DLST: variants seen among roughly 807,000 people sequenced by gnomAD.
The protein encoded by DLST is dihydrolipoamide S-succinyltransferase.
DLST carries 17 observed loss-of-function variants against 53.1 expected under a neutral mutation model. The ratio of observed to expected loss-of-function variants is 0.32; its 90% confidence interval spans 0.22 to 0.48. DLST has a LOEUF of 0.48. Among genes scored for constraint, DLST ranks in the 20% least tolerant of loss-of-function variants. DLST has a pLI of 0.99. For synonymous variants in DLST, 206 were observed against 204.8 expected (o/e 1.01, Z -0.05); for missense variants, 512 against 583.9 (o/e 0.88, Z 1.27).
intron 10 of DLST, among the ~76,000 whole-genome samples, chr14:74,897,839 C>T (rs945343625): frequency 6.6e-6 from 1 of 152,068 alleles, no homozygotes; most frequent in Non-Finnish European, 1.5e-5. Flanking sequence ...TGCTTTTTCC[C>T]GCATGGAGCC....
chr14:74,891,012 C>T, intron 6 of DLST, 44 bp from the exon 7 acceptor site: 1 of 1,585,956 alleles, frequency 6.3e-7, no homozygotes, highest in Non-Finnish European at 8.6e-7. Context: ...TTTTCTAATG[C>T]TGGATAAACA....
chr14:74,883,629 C>A (rs1322478292), intron 2 of DLST, among the ~76,000 whole-genome samples: 1 of 152,164 alleles, frequency 6.6e-6, no homozygotes, highest in Non-Finnish European at 1.5e-5. Context: ...TTGTGCCAAG[C>A]ATTTATATGA....
At position 74,882,872 on chromosome 14, in the gene DLST, C is replaced by T. The variant is rs751358211; in HGVS notation, c.97+248C>T. Among the ~76,000 whole-genome samples, 74 of 152,216 alleles carry T rather than the reference C, an allele frequency of 4.9e-4. 1 individual carries two copies. The highest frequency in any genetic ancestry group is 7.2e-4 in the Admixed American group (11 of 15,278). ...TGGATACAGAAGTGTACAGTTCTTG[C>T]CCTCGTGGAGCTCCTAGGCTAGTTG... On this transcript the variant is annotated intron_variant, in intron 2 of 14. Transcript: ENST00000334220.
chr14:74,892,034 T>A, intron 7 of DLST: 1 of 198,976 alleles, frequency 5.0e-6, no homozygotes, highest in Non-Finnish European at 9.0e-6. Context: ...CTTCAGTGAT[T>A]TATGAGTCAT....
At chr14:74,892,001 G>A (rs1594876498) in intron 7 of DLST, 2 of 361,178 alleles carry the variant, frequency 5.5e-6, no homozygotes, top group Admixed American at 1.3e-4. Flanking sequence ...TTCATTTAAA[G>A]TTGTGAGATT....
chr14:74,891,664 T>G, intron 7 of DLST: 1 of 984,946 alleles, frequency 1.0e-6, no homozygotes, highest in Non-Finnish European at 1.2e-6. Flanking sequence ...GAAACGAATT[T>G]GTACTGGACC....
At chr14:74,899,813 C>T in intron 11 of DLST, 110 bp from the exon 12 acceptor site, 1 of 835,092 alleles carries the variant, frequency 1.2e-6, no homozygotes, top group South Asian at 1.6e-5. Flanking sequence ...GGTTGGTCAG[C>T]CCACACTGTA....
At chr14:74,889,009 G>C in intron 3 of DLST, 86 bp from the exon 4 acceptor site, 1 of 1,380,004 alleles carries the variant, frequency 7.2e-7, no homozygotes. Context: ...CACTGTTTAA[G>C]GGGAAGGTGA....
Position 74,893,348 on chromosome 14 carries a change from T to G in DLST, c.596T>G (p.Val199Gly). 6.2e-7 allele frequency: 1 copy of G among 1,614,196 alleles called. No individual in the cohort carries two copies. The change falls in exon 9 of 15, where the codon GTG becomes GGG. Residue 199 changes from valine (V) to glycine (G), a missense_variant and splice_region_variant. Physicochemically the swap from Val to Gly is moderately radical, Grantham distance 109. This residue lies in a region of DLST where 162 missense variants were observed against 162.0 expected (regional missense o/e 1.00). Coordinates refer to ENST00000334220, the MANE Select transcript of DLST (RefSeq NM_001933.5). ...SPSQPPSGKP[V>G]SAVKPTVAPP... ...AGCTTTATCCTCTTTTCATTTTCAG[T>G]GTCTGCAGTAAAACCCACTGTTGCC...
At chr14:74,890,941 A>G (rs2140192805) in intron 6 of DLST, 115 bp from the exon 7 acceptor site, 1 of 1,378,620 alleles carries the variant, frequency 7.3e-7, no homozygotes, top group Non-Finnish European at 9.6e-7. Context: ...GCATCCCAAT[A>G]TGCTGGGACT....
At chr14:74,895,149 C>T (rs1428281952) in intron 10 of DLST, among the ~76,000 whole-genome samples, 4 of 152,114 alleles carry the variant, frequency 2.6e-5, no homozygotes, top group Non-Finnish European at 2.9e-5. Context: ...ATTGTTTGAC[C>T]CCGTCACTTA....
rs1473490622 is a variant in DLST, at chr14:74,894,377, A to G, written c.738A>G (p.Ala246=). 4 of 1,614,024 alleles carry G rather than the reference A, an allele frequency of 2.5e-6. No homozygotes were observed. In the African/African-American group the frequency reaches 4.0e-5, roughly 16 times the overall value. ...TGAAGGAGGCCCAGAATACATGTGC[A>G]ATGCTGACAACTTTTAATGAGATTG... ...QRLKEAQNTC[A]MLTTFNEIDM... The change falls in exon 10 of 15, where the codon GCA becomes GCG. Residue 246 remains alanine, a synonymous_variant. Transcript: ENST00000334220.
Position 74,892,868 on chromosome 14 carries a change from T to C in DLST, c.477T>C (p.Pro159=). The C allele has an allele frequency of 6.2e-7, 1 of 1,613,858 alleles. No homozygotes were observed. Among genetic ancestry groups the C allele is most frequent in the South Asian group, 1.1e-5 (1 of 91,044 alleles). ...APAKAKPAEA[P]AAAAPKAEPT... Reference sequence around the variant, plus strand: ...CTAAGGCCAAGCCGGCTGAAGCTCCTGCTGCTGCAGCCCCAAAAGCAGAAC... The same window carrying C: ...CTAAGGCCAAGCCGGCTGAAGCTCCCGCTGCTGCAGCCCCAAAAGCAGAAC... The change falls in exon 8 of 15, where the codon CCT becomes CCC. Residue 159 remains proline, a synonymous_variant. Transcript: ENST00000334220.
chr14:74,892,947 C>T lies in DLST; in HGVS notation c.556C>T (p.Pro186Ser), dbSNP rs781463372. The change falls in exon 8 of 15, where the codon CCG becomes TCG. Residue 186 changes from proline (P) to serine (S), a missense_variant. Pro to Ser is a moderately conservative substitution (Grantham distance 74, BLOSUM62 -1). Around this residue, in one of 4 missense-constraint regions of DLST, gnomAD observed 162 missense variants for 162.0 expected, o/e 1.00. Transcript: ENST00000334220. ...AGCACCCATACCCACTCAGATGCCA[C>T]CGGTGCCCTCGCCCTCACAGCCTCC... is the stretch of plus-strand genomic sequence containing the variant. ...PAAPIPTQMPPVPSPSQPPSG... is the reference protein window; with the variant it reads ...PAAPIPTQMPSVPSPSQPPSG... The T allele has an allele frequency of 1.9e-6, 3 of 1,614,032 alleles. No homozygotes were observed. The highest frequency in any genetic ancestry group is 8.5e-7 in the Non-Finnish European group (1 of 1,179,986).
intron 1 of DLST, 77 bp from the exon 2 acceptor site, chr14:74,882,514 T>G: frequency 2.7e-6 from 4 of 1,466,882 alleles, no homozygotes; most frequent in African/African-American, 1.4e-5. Flanking sequence ...GGGACAGCTT[T>G]GAGCGTGTAC....
intron 6 of DLST, among the ~76,000 whole-genome samples, chr14:74,890,714 G>C (rs1883873996): frequency 6.6e-6 from 1 of 151,990 alleles, no homozygotes; most frequent in African/African-American, 2.4e-5. Context: ...CTGGAGATAC[G>C]CTGTTGTTGT....
intron 10 of DLST, among the ~76,000 whole-genome samples, chr14:74,895,021 AG>A (rs1884034525): frequency 6.6e-6 from 1 of 152,110 alleles, no homozygotes; most frequent in South Asian, 2.1e-4. Context: ...TGAGTCCAGG[AG>A]TTCAAGACCA....
intron 3 of DLST, among the ~76,000 whole-genome samples, chr14:74,887,893 A>G (rs1395922809): frequency 6.6e-6 from 1 of 152,250 alleles, no homozygotes; most frequent in Non-Finnish European, 1.5e-5. Flanking sequence ...AAAAATACCT[A>G]AAGACAACTT....
intron 6 of DLST, 42 bp downstream of exon 6, chr14:74,889,994 C>A: frequency 6.4e-7 from 1 of 1,570,768 alleles, no homozygotes; most frequent in East Asian, 2.3e-5. Context: ...CATGGGCTTC[C>A]CTTAGTTAAC....
Sources: allele counts gnomAD v4.1 joint callset (sites outside exome capture counted in the v4.1 genomes callset), GRCh38; gene constraint gnomAD v4.1.1; regional missense constraint gnomAD v4.1.1; transcripts MANE v1.5; gene names NCBI Gene and HGNC (gene_info 2026-07-23, HGNC 2026-07-21).